Variants in TXNDC12 observed in about 807,000 individuals in gnomAD.
The protein encoded by TXNDC12 is thioredoxin domain-containing protein 12.
In TXNDC12, 22 loss-of-function variants were observed where a neutral mutation model predicts 24.2. That is an observed-to-expected ratio of 0.91 (90% CI 0.65 to 1.30). The LOEUF (loss-of-function observed/expected upper bound fraction) is 1.30. TXNDC12 is among the 50% of genes most tolerant of loss of function. The pLI, the probability that TXNDC12 is intolerant of heterozygous loss-of-function variation, is 0.00. For synonymous variants in TXNDC12, 58 were observed against 73.4 expected (o/e 0.79, Z 1.07); for missense variants, 184 against 205.8 (o/e 0.89, Z 0.65).
chr1:52,022,885 C>T (rs1347930664), intron 6 of TXNDC12, among the ~76,000 whole-genome samples: 5 of 152,006 alleles, frequency 3.3e-5, no homozygotes, highest in Admixed American at 2.6e-4. Flanking sequence ...ATGATCCTCC[C>T]GCCTCGGCCT....
At chr1:52,032,020 T>C (rs1685770808) in intron 2 of TXNDC12, 3 of 498,968 alleles carry the variant, frequency 6.0e-6, no homozygotes, top group Non-Finnish European at 7.8e-6. Flanking sequence ...AAATACTACT[T>C]CACTTAAAGG....
intron 2 of TXNDC12, among the ~76,000 whole-genome samples, chr1:52,029,023 G>A (rs1433387005): frequency 6.6e-6 from 1 of 152,148 alleles, no homozygotes; most frequent in East Asian, 1.9e-4. Context: ...AGCTACTGGG[G>A]TGGCTGAAAT....
intron 2 of TXNDC12, chr1:52,032,248 C>T (rs765906736): frequency 7.3e-5 from 72 of 988,122 alleles, no homozygotes; most frequent in Non-Finnish European, 8.1e-5. Context: ...AAAGTCAGTA[C>T]AGTACTCAAA....
chr1:52,045,679 T>C (rs1218107151), intron 1 of TXNDC12, among the ~76,000 whole-genome samples: 1 of 152,236 alleles, frequency 6.6e-6, no homozygotes, highest in Non-Finnish European at 1.5e-5. Context: ...ACACATAGAA[T>C]GTACAACACC....
intron 1 of TXNDC12, among the ~76,000 whole-genome samples, chr1:52,045,721 T>C (rs1047383556): frequency 5.9e-5 from 9 of 152,224 alleles, no homozygotes; most frequent in Non-Finnish European, 1.3e-4. Flanking sequence ...CTAGGGACTT[T>C]GGTTAATAAT....
intron 1 of TXNDC12, chr1:52,043,859 T>C (rs1302307272): frequency 2.6e-5 from 4 of 152,238 alleles, no homozygotes; most frequent in Non-Finnish European, 5.9e-5. Context: ...AATCTAATTT[T>C]CATCAGTGCT....
chr1:52,033,757 G>C, intron 2 of TXNDC12: 1 of 1,595,920 alleles, frequency 6.3e-7, no homozygotes, highest in Non-Finnish European at 8.5e-7. Flanking sequence ...CACCACGAGC[G>C]GCATCCTCTC....
intron 1 of TXNDC12, among the ~76,000 whole-genome samples, chr1:52,048,071 T>C (rs182260558): frequency 4.5e-4 from 68 of 152,202 alleles, no homozygotes; most frequent in Non-Finnish European, 8.4e-4. Flanking sequence ...GTTCTGTCAA[T>C]AATCACAACA....
At chr1:52,050,549 T>TCCA (rs1468004997) in intron 1 of TXNDC12, among the ~76,000 whole-genome samples, 1 of 152,196 alleles carries the variant, frequency 6.6e-6, no homozygotes, top group Non-Finnish European at 1.5e-5. Flanking sequence ...AAAAGTATTA[T>TCCA]CCACCCCCTC....
intron 1 of TXNDC12, among the ~76,000 whole-genome samples, chr1:52,054,543 G>T (rs1351546824): frequency 6.6e-6 from 1 of 152,244 alleles, no homozygotes; most frequent in East Asian, 1.9e-4. Flanking sequence ...TACCTGGGAT[G>T]CAGGTGCTGT....
intron 2 of TXNDC12, chr1:52,033,136 A>G (rs767380711): frequency 1.2e-6 from 2 of 1,614,154 alleles, no homozygotes; most frequent in Admixed American, 3.3e-5. Flanking sequence ...TAGGGCCTCC[A>G]GGAGTTCGGG....
chr1:52,046,687 T>A (rs1215161801), intron 1 of TXNDC12, among the ~76,000 whole-genome samples: 1 of 149,638 alleles, frequency 6.7e-6, no homozygotes, highest in Non-Finnish European at 1.5e-5. Flanking sequence ...ACCAGCCTGG[T>A]CTAACCTAAC....
At chr1:52,036,246 T>G (rs932539367) in intron 2 of TXNDC12, among the ~76,000 whole-genome samples, 4 of 152,076 alleles carry the variant, frequency 2.6e-5, no homozygotes, top group African/African-American at 9.7e-5. Flanking sequence ...ATATTTTGAA[T>G]GTAATATTAT....
At chr1:52,035,666 C>T (rs1261887066) in intron 2 of TXNDC12, among the ~76,000 whole-genome samples, 2 of 152,070 alleles carry the variant, frequency 1.3e-5, no homozygotes, top group Non-Finnish European at 2.9e-5. Context: ...GAGCCTAGAT[C>T]GCACCACTGC....
At position 52,055,105 on chromosome 1, in the gene TXNDC12, G is replaced by C. The variant is rs976323065; in HGVS notation, c.-9C>G. On this transcript the variant is annotated 5_prime_UTR_variant, in exon 1 of 7. Transcript: ENST00000371626. The stretch of plus-strand genomic sequence containing the variant: ...CGAGGCCGCGTCTCCATGGCAGTAG[G>C]TGCGCGGGGCCACGGGGCTGAGCGG... 1 of 1,610,698 alleles carries C rather than the reference G, an allele frequency of 6.2e-7. No individual in the cohort carries two copies.
intron 1 of TXNDC12, among the ~76,000 whole-genome samples, chr1:52,045,513 C>T (rs2124387847): frequency 6.6e-6 from 1 of 152,264 alleles, no homozygotes; most frequent in East Asian, 1.9e-4. Flanking sequence ...GACAGCCATC[C>T]ACAAGAAGAA....
intron 6 of TXNDC12, among the ~76,000 whole-genome samples, 175 bp from the exon 7 acceptor site, chr1:52,021,187 C>T (rs1685591801): frequency 6.6e-6 from 1 of 152,072 alleles, no homozygotes. Context: ...GAATTTGTTT[C>T]CTCATTTATA....
chr1:52,041,968 C>A (rs1461090263), intron 1 of TXNDC12, among the ~76,000 whole-genome samples: 2 of 152,166 alleles, frequency 1.3e-5, no homozygotes, highest in Non-Finnish European at 2.9e-5. Flanking sequence ...GGTGATTCAG[C>A]AATACAGCTT....
intron 1 of TXNDC12, 111 bp downstream of exon 1, chr1:52,054,888 TG>T: frequency 1.3e-6 from 1 of 749,352 alleles, no homozygotes; most frequent in Non-Finnish European, 2.2e-6. Context: ...AAAAGAAATC[TG>T]GAGTGGCCTA....
Sources: allele counts gnomAD v4.1 joint callset (sites outside exome capture counted in the v4.1 genomes callset), GRCh38; gene constraint gnomAD v4.1.1; transcripts MANE v1.5; gene names NCBI Gene and HGNC (gene_info 2026-07-23, HGNC 2026-07-21).